EDA: variants seen among roughly 807,000 people sequenced by gnomAD.
The protein encoded by EDA is ectodysplasin A, also known as ectodysplasin-A.
In EDA, 2 loss-of-function variants were observed where a neutral mutation model predicts 23.6. The observed-to-expected ratio is 0.08, with a 90% CI of 0.03 to 0.27. The LOEUF (loss-of-function observed/expected upper bound fraction) is 0.27, where lower values mean the gene tolerates loss of function less well. Ranked by LOEUF, EDA falls within the 10% of genes least tolerant of loss-of-function variation. The probability of loss-of-function intolerance (pLI) is 1.00; values close to 1 mark genes in which losing one functional copy is unlikely to be tolerated. For synonymous variants in EDA, 131 were observed against 132.0 expected, an observed-to-expected ratio of 0.99 and a Z score of 0.05; for missense variants, 229 against 324.2, an observed-to-expected ratio of 0.71 and a Z score of 2.26.
chrX:69,627,359 C>T (rs894259071), intron 1 of EDA, among the ~76,000 whole-genome samples: 6 of 111,176 alleles, frequency 5.4e-5, no homozygotes, highest in Admixed American at 9.6e-5. Context: ...AGCTAGCTAG[C>T]TATTCCCAGA....
chrX:69,721,608 G>A (rs2012584866), intron 1 of EDA, among the ~76,000 whole-genome samples: 1 of 110,965 alleles, frequency 9.0e-6, no homozygotes, highest in Non-Finnish European at 1.9e-5. Context: ...CTCACCTGAT[G>A]TTGTCAGAAG....
At chrX:69,647,005 C>A (rs944360843) in intron 1 of EDA, among the ~76,000 whole-genome samples, 3 of 111,623 alleles carry the variant, frequency 2.7e-5, no homozygotes, top group African/African-American at 9.8e-5. Flanking sequence ...TCTTTAAGTA[C>A]GTTGAATATT....
chrX:69,949,926 T>C (rs982647502), intron 1 of EDA, among the ~76,000 whole-genome samples: 2 of 109,710 alleles, frequency 1.8e-5, no homozygotes, highest in Admixed American at 2.0e-4. Context: ...TTACACCTTA[T>C]ACAAAAATCA....
intron 2 of EDA, chrX:69,957,492 C>CA (rs1301312310): frequency 0.015 from 1,750 of 115,747 alleles, no homozygotes; most frequent in East Asian, 0.049. Flanking sequence ...AAAAAAAAAA[C>CA]AAAAAAAAAA....
intron 1 of EDA, among the ~76,000 whole-genome samples, chrX:69,691,744 T>C (rs1167705099): frequency 1.8e-5 from 2 of 111,798 alleles, no homozygotes; most frequent in Non-Finnish European, 3.8e-5. Flanking sequence ...TCTGAGACAA[T>C]TCTGACCTTT....
At chrX:69,737,740 T>C (rs1195513262) in intron 1 of EDA, among the ~76,000 whole-genome samples, 1 of 112,253 alleles carries the variant, frequency 8.9e-6, no homozygotes, top group Non-Finnish European at 1.9e-5. Context: ...TTAAAATTTC[T>C]TGCAGTGTAA....
Position 70,027,872 on chromosome X carries a change from C to G in EDA, c.542C>G (p.Pro181Arg). Residue 181 changes from proline to arginine, a missense_variant, in exon 4 of 8, where the codon CCT (proline) becomes CGT (arginine). Transcript: ENST00000374552. Reference sequence around the variant, plus strand: ...TATTTTTCAGGAAAGAAAGCAGGACCTCCTGGACCCAATGGCCCTCCAGGA... The same window carrying G: ...TATTTTTCAGGAAAGAAAGCAGGACGTCCTGGACCCAATGGCCCTCCAGGA... ...KNKKKGKKAG[P>R]PGPNGPPGPP... 1 of 918,885 alleles carries G rather than the reference C, an allele frequency of 1.1e-6. No individual in the cohort carries two copies. Among genetic ancestry groups the G allele is most frequent in the Non-Finnish European group, 1.6e-6 (1 of 644,047 alleles). 75.7% of individuals were successfully genotyped at this position (918,885 alleles called of 1,213,427 possible).
At chrX:69,917,549 T>C (rs777498258) in intron 1 of EDA, among the ~76,000 whole-genome samples, 1 of 111,720 alleles carries the variant, frequency 9.0e-6, no homozygotes, top group African/African-American at 3.2e-5. Context: ...AGGAATATCA[T>C]GGATAAATAT....
In EDA at chrX:70,038,994, C is replaced by T. The variant is rs2020298574; in HGVS notation, c.*3385C>T. 8.9e-6 allele frequency: 1 copy of T among 112,004 alleles called. No homozygotes were observed. Among genetic ancestry groups the T allele is most frequent in the Non-Finnish European group, 1.9e-5 (1 of 53,187 alleles). 9.2% of individuals were successfully genotyped at this position (112,004 alleles called of 1,213,427 possible). On this transcript the variant is annotated 3_prime_UTR_variant, in exon 8 of 8. Transcript: ENST00000374552. The stretch of plus-strand genomic sequence containing the variant: ...AACTCCAGGCTGGAAGTACTTGGCC[C>T]CCTTCAGGAGCCTGGCCAGGCAGGG...
chrX:69,791,123 A>G (rs1331360234), intron 1 of EDA, among the ~76,000 whole-genome samples: 3 of 111,915 alleles, frequency 2.7e-5, no homozygotes, highest in Non-Finnish European at 5.6e-5. Flanking sequence ...ATGTATGTAC[A>G]CATCACCCTG....
intron 1 of EDA, among the ~76,000 whole-genome samples, chrX:69,770,781 T>A (rs1239216777): frequency 9.1e-6 from 1 of 110,461 alleles, no homozygotes; most frequent in East Asian, 2.8e-4. Flanking sequence ...TGGTGCCAAG[T>A]CTGAAAACTC....
Position 70,023,261 on chromosome X carries a change from A to C in EDA, c.526+20A>C, listed in dbSNP as rs367574882. On this transcript the variant is annotated intron_variant, in intron 3 of 7. Coordinates refer to ENST00000374552, the MANE Select transcript of EDA (RefSeq NM_001399.5). Reference sequence around the variant, plus strand: ...AAAAGGGTAAGTTCCTGACTTTATAAAATTGCTGTCTTGTCATATATTTTC... The same window carrying C: ...AAAAGGGTAAGTTCCTGACTTTATACAATTGCTGTCTTGTCATATATTTTC... 44 of 1,098,190 alleles carry C rather than the reference A, an allele frequency of 4.0e-5. No homozygotes were observed. The African/African-American group carries it at 6.7e-4, about 17-fold the overall frequency. 90.5% of individuals were successfully genotyped at this position (1,098,190 alleles called of 1,213,427 possible). A position where few individuals can be genotyped will look rare whatever the true frequency, so the allele number is the denominator to read the frequency against.
Position 69,634,291 on chromosome X carries a change from C to A in EDA, c.396+17587C>A, listed in dbSNP as rs72628831. ...AGATAAAATTTGCAAATATTTTCTC[C>A]CATTCTATGTGTTGTAGTTCTTTAT... is the stretch of plus-strand genomic sequence containing the variant. On this transcript the variant is annotated intron_variant, in intron 1 of 7. Transcript: ENST00000374552. 9.0e-3 allele frequency among the ~76,000 whole-genome samples: 999 copies of A among 110,910 alleles called. 32 individuals carry two copies. The East Asian group carries it at 0.14, about 16-fold the overall frequency.
In EDA at chrX:70,033,465, T is replaced by A. The variant is rs1193289485; in HGVS notation, c.861T>A (p.His287Gln). Residue 287 changes from histidine (H) to glutamine (Q), a missense_variant, in exon 7 of 8, where the codon CAT becomes CAA. Physicochemically the swap from His to Gln is conservative, Grantham distance 24 (BLOSUM62 0). Coordinates refer to ENST00000374552, the MANE Select transcript of EDA (RefSeq NM_001399.5). ...ITMNPKVFKL[H>Q]PRSGELEVLV... ...TGAACCCCAAGGTGTTTAAGCTACA[T>A]CCCCGCAGCGGGGAGCTGGAGGTAC... 1 of 1,211,669 alleles carries A rather than the reference T, an allele frequency of 8.3e-7. No homozygotes were observed. The highest frequency in any genetic ancestry group is 1.1e-6 in the Non-Finnish European group (1 of 895,412).
chrX:70,019,592 A>G (rs994971516), intron 2 of EDA, among the ~76,000 whole-genome samples: 1 of 112,308 alleles, frequency 8.9e-6, no homozygotes, highest in African/African-American at 3.2e-5. Context: ...TGTTCTTTGC[A>G]GCAACATGGA....
intron 1 of EDA, among the ~76,000 whole-genome samples, chrX:69,813,406 C>A (rs768789853): frequency 4.5e-5 from 5 of 111,772 alleles, no homozygotes; most frequent in Non-Finnish European, 7.5e-5. Flanking sequence ...TCACATATCT[C>A]CACTCTCTGA....
At chrX:70,014,152 C>G (rs745530335) in intron 2 of EDA, among the ~76,000 whole-genome samples, 1 of 112,066 alleles carries the variant, frequency 8.9e-6, no homozygotes, top group Non-Finnish European at 1.9e-5. Context: ...CTGAGATCTA[C>G]AGCCAGCACT....
chrX:69,879,388 A>T (rs766782404), intron 1 of EDA, among the ~76,000 whole-genome samples: 1 of 111,689 alleles, frequency 9.0e-6, no homozygotes, highest in African/African-American at 3.3e-5. Context: ...TTTCTGTCAC[A>T]TACTCATCAC....
At chrX:69,674,569 T>C (rs1459534273) in intron 1 of EDA, among the ~76,000 whole-genome samples, 2 of 111,917 alleles carry the variant, frequency 1.8e-5, no homozygotes, top group Admixed American at 1.9e-4. Context: ...ATATTATTCT[T>C]TCATGGAACA....
Sources: gnomAD v4.1 joint callset for allele counts (sites outside exome capture counted in the v4.1 genomes callset) on GRCh38, gnomAD v4.1.1 for gene constraint, MANE v1.5 for transcripts, NCBI Gene and HGNC (gene_info 2026-07-23, HGNC 2026-07-21) for gene names.